The following NUDT19 variants were observed in gnomAD, a reference collection of about 807,000 sequenced individuals.
NUDT19 encodes nudix hydrolase 19.
In NUDT19, 31 loss-of-function variants were observed where a neutral mutation model predicts 22.2. The ratio of observed to expected loss-of-function variants is 1.40; its 90% confidence interval spans 1.05 to 1.89. The LOEUF (loss-of-function observed/expected upper bound fraction) is 1.89, where lower values mean the gene tolerates loss of function less well. NUDT19 is among the 40% of genes most tolerant of loss of function. The pLI, the probability that NUDT19 is intolerant of heterozygous loss-of-function variation, is 0.00. For missense variants in NUDT19, 752 were observed against 514.2 expected (o/e 1.46, Z -4.47); for synonymous variants, 325 against 230.8 (o/e 1.41, Z -3.70).
chr19:32,703,648 C>CTTTTTT (rs60766132), intron 1 of NUDT19, among the ~76,000 whole-genome samples: 11 of 68,398 alleles, frequency 1.6e-4, no homozygotes, highest in African/African-American at 2.8e-4. Context: ...TGTGCCCAGC[C>CTTTTTT]TTTTTTTTTT....
In NUDT19 at chr19:32,711,931, T is replaced by C; in HGVS notation, c.1102T>C (p.Ser368Pro). Residue 368 changes from serine (S) to proline (P), a missense_variant, in exon 3 of 3, where the codon TCT (serine) becomes CCT (proline). Transcript: ENST00000397061. ...GTATAAACACGTTTATCCTAAGAAC[T>C]CTGTAGTAAGAAAAAGCCATTTGTA... ...PKYKHVYPKN[S>P]VVRKSHL 1 of 1,613,894 alleles carries C rather than the reference T, an allele frequency of 6.2e-7. No homozygotes were observed. Among genetic ancestry groups the C allele is most frequent in the Non-Finnish European group, 8.5e-7 (1 of 1,179,846 alleles).
Position 32,692,560 on chromosome 19 carries a change from G to A in NUDT19, c.600G>A (p.Trp200Ter), listed in dbSNP as rs748960755. Residue 200 changes from tryptophan (W) to a stop codon, truncating the protein, a stop_gained, in exon 1 of 3, where the codon TGG becomes TGA. Coordinates refer to ENST00000397061, the MANE Select transcript of NUDT19 (RefSeq NM_001105570.2). LOFTEE classifies it high-confidence loss of function. Reference sequence around the variant, plus strand: ...GGGCGCTGCACAACTGGAGCGCCTGGCTCACCCCTTTCTTGCGGGGCACCA... The same window carrying A: ...GGGCGCTGCACAACTGGAGCGCCTGACTCACCCCTTTCTTGCGGGGCACCA... ...DIWALHNWSA[W>*]LTPFLRGTTR... 8.8e-6 allele frequency: 14 copies of A among 1,597,048 alleles called. No individual in the cohort carries two copies. In the South Asian group the frequency reaches 1.5e-4, roughly 17 times the overall value.
Position 32,711,938 on chromosome 19 carries a change from T to C in NUDT19, c.1109T>C (p.Val370Ala). 1.2e-6 allele frequency: 2 copies of C among 1,613,368 alleles called. No homozygotes were observed. Among genetic ancestry groups the C allele is most frequent in the Non-Finnish European group, 1.7e-6 (2 of 1,179,402 alleles). The part of the protein sequence containing the change: ...YKHVYPKNSV[V>A]RKSHL ...CACGTTTATCCTAAGAACTCTGTAG[T>C]AAGAAAAAGCCATTTGTAGGGTGCT... Residue 370 changes from valine to alanine, a missense_variant, in exon 3 of 3, where the codon GTA becomes GCA. By Grantham distance (64) the Val-to-Ala change is moderately conservative. Coordinates refer to ENST00000397061, the MANE Select transcript of NUDT19 (RefSeq NM_001105570.2).
rs898431646 is a variant in NUDT19 at position 32,705,573 on chromosome 19, C to T, written c.715-3612C>T. 1.3e-5 allele frequency among the ~76,000 whole-genome samples: 2 copies of T among 148,176 alleles called. 1 individual carries two copies. The highest frequency in any genetic ancestry group is 4.3e-4 in the South Asian group (2 of 4,692). On this transcript the variant is annotated intron_variant, in intron 1 of 2. Coordinates refer to ENST00000397061, the MANE Select transcript of NUDT19 (RefSeq NM_001105570.2). ...GCCTATAGTAGCCTTTATTCTAGAG[C>T]TAATTTAGCTGCACTTTTTTTTTTT...
At chr19:32,699,608 T>C (rs1022426629) in intron 1 of NUDT19, among the ~76,000 whole-genome samples, 1 of 152,152 alleles carries the variant, frequency 6.6e-6, no homozygotes, top group South Asian at 2.1e-4. Context: ...CTGGCCAACA[T>C]GTCCCCATAT....
intron 1 of NUDT19, among the ~76,000 whole-genome samples, chr19:32,699,391 G>C (rs1968306092): frequency 6.6e-6 from 1 of 152,180 alleles, no homozygotes; most frequent in Middle Eastern, 3.2e-3. Flanking sequence ...CATGGCTGCA[G>C]GGTCAACCAA....
At position 32,712,223 on chromosome 19, in the gene NUDT19, C is replaced by T. The variant is rs538938471; in HGVS notation, c.*266C>T. On this transcript the variant is annotated 3_prime_UTR_variant, in exon 3 of 3. Transcript: ENST00000397061. ...CCGAGTAGCTGGGACTACAGGCGCC[C>T]GCCACCATGCCCAGCTAATTTTTTT... 9.4e-5 allele frequency: 29 copies of T among 309,090 alleles called. No individual in the cohort carries two copies. Among genetic ancestry groups the T allele is most frequent in the South Asian group, 3.7e-4 (8 of 21,554 alleles). The allele number at this position is 309,090 out of a possible 1,614,324, so 19.1% of individuals were successfully genotyped here.
intron 2 of NUDT19, among the ~76,000 whole-genome samples, chr19:32,711,387 C>G (rs1857723030): frequency 6.6e-6 from 1 of 151,922 alleles, no homozygotes; most frequent in South Asian, 2.1e-4. Flanking sequence ...TGCTTGAGCC[C>G]AAGAGGTGGA....
At chr19:32,705,825 T>G (rs926814601) in intron 1 of NUDT19, among the ~76,000 whole-genome samples, 18 of 152,100 alleles carry the variant, frequency 1.2e-4, no homozygotes, top group Non-Finnish European at 2.4e-4. Context: ...CCTCAGGTGA[T>G]CCACCCACCT....
At chr19:32,700,404 A>G (rs867693813) in intron 1 of NUDT19, among the ~76,000 whole-genome samples, 2 of 152,112 alleles carry the variant, frequency 1.3e-5, no homozygotes, top group Admixed American at 6.6e-5. Flanking sequence ...CTAGACACAG[A>G]GTGCTGATTG....
At chr19:32,693,034 T>C (rs891405041) in intron 1 of NUDT19, among the ~76,000 whole-genome samples, 2 of 152,214 alleles carry the variant, frequency 1.3e-5, no homozygotes, top group African/African-American at 4.8e-5. Flanking sequence ...CTTCCTATTT[T>C]TATTTATTTT....
At position 32,711,983 on chromosome 19, in the gene NUDT19, G is replaced by T; in HGVS notation, c.*26G>T. The T allele has an allele frequency of 6.8e-7, 1 of 1,477,950 alleles. No homozygotes were observed. The highest frequency in any genetic ancestry group is 9.5e-7 in the Non-Finnish European group (1 of 1,057,802). The allele number at this position is 1,477,950 out of a possible 1,614,324, so 91.6% of individuals were successfully genotyped here. The stretch of plus-strand genomic sequence containing the variant: ...GGTGCTTAAGCTTGTTTGTAAAATG[G>T]CCTACTTGAAGTCCTCATGAATAAT... On this transcript the variant is annotated 3_prime_UTR_variant, in exon 3 of 3. Coordinates refer to ENST00000397061, the MANE Select transcript of NUDT19 (RefSeq NM_001105570.2).
At chr19:32,701,417 C>G (rs933856411) in intron 1 of NUDT19, among the ~76,000 whole-genome samples, 3 of 151,900 alleles carry the variant, frequency 2.0e-5, no homozygotes, top group African/African-American at 4.8e-5. Flanking sequence ...GTTGGTCAGG[C>G]CAACTCCTGA....
chr19:32,711,697 A>G (rs1968448933), intron 2 of NUDT19, 55 bp from the exon 3 acceptor site: 1 of 1,001,284 alleles, frequency 1.0e-6, no homozygotes, highest in Admixed American at 2.3e-5. Context: ...ACTTTCTGCC[A>G]TGGTGAAAAA....
chr19:32,699,868 G>A (rs8108813), intron 1 of NUDT19, among the ~76,000 whole-genome samples: 2,358 of 152,256 alleles, frequency 0.015, 61 homozygotes, highest in African/African-American at 0.055. Flanking sequence ...TGTGTCCGGA[G>A]TTTCTTTCGT....
chr19:32,692,150 G>T lies in NUDT19; in HGVS notation c.190G>T (p.Gly64Cys). The T allele has an allele frequency of 6.6e-7, 1 of 1,504,638 alleles. No individual in the cohort carries two copies. The allele number at this position is 1,504,638 out of a possible 1,614,324, so 93.2% of individuals were successfully genotyped here. A position where few individuals can be genotyped will look rare whatever the true frequency, so the allele number is the denominator to read the frequency against. Residue 64 changes from glycine (G) to cysteine (C), a missense_variant, in exon 1 of 3, where the codon GGC becomes TGC. Physicochemically the swap from Gly to Cys is radical, Grantham distance 159. Coordinates refer to ENST00000397061, the MANE Select transcript of NUDT19 (RefSeq NM_001105570.2). The stretch of plus-strand genomic sequence containing the variant: ...CATGCCGGGCGCGCACGTCTTCTCC[G>T]GCGGAGTGCTGGATGCGGCCGACCG... ...GFMPGAHVFS[G>C]GVLDAADRSA...
intron 1 of NUDT19, among the ~76,000 whole-genome samples, chr19:32,693,583 C>T (rs563063005): frequency 2.6e-5 from 4 of 151,900 alleles, no homozygotes; most frequent in South Asian, 2.1e-4. Context: ...CTGCCCATGT[C>T]CTGCTGATTG....
Position 32,692,325 on chromosome 19 carries a change from TAGCCTTCCGCATCTGCG to T in NUDT19, c.366_382del (p.Ala123ArgfsTer6), listed in dbSNP as rs764222022. ...AACACTGGGACGCTGCCTGAGGACG[TAGCCTTCCGCATCTGCG>T]CCGTGCGGGAGGCCTTTGAGGAGGC... On this transcript the variant is annotated frameshift_variant, in exon 1 of 3. Transcript: ENST00000397061. LOFTEE classifies it high-confidence loss of function. 85 of 1,592,672 alleles carry T rather than the reference TAGCCTTCCGCATCTGCG, an allele frequency of 5.3e-5. 4 individuals are homozygous for T. In the South Asian group the frequency reaches 9.2e-4, roughly 17 times the overall value.
At chr19:32,705,267 CAAA>C (rs961771643) in intron 1 of NUDT19, among the ~76,000 whole-genome samples, 1 of 150,980 alleles carries the variant, frequency 6.6e-6, no homozygotes, top group East Asian at 2.0e-4. Flanking sequence ...CTAAAAATAC[CAAA>C]AAAATTAGCC....
Sources: allele counts gnomAD v4.1 joint callset (sites outside exome capture counted in the v4.1 genomes callset), GRCh38; gene constraint gnomAD v4.1.1; transcripts MANE v1.5; gene names NCBI Gene and HGNC (gene_info 2026-07-23, HGNC 2026-07-21).